Variants in PRELID2 observed in about 807,000 individuals in gnomAD.
The protein encoded by PRELID2 is PRELI domain containing 2.
PRELID2 carries 25 observed loss-of-function variants against 28.4 expected under a neutral mutation model. The observed-to-expected ratio is 0.88, with a 90% CI of 0.64 to 1.23. PRELID2 has a LOEUF of 1.23. PRELID2 is among the 50% of genes most tolerant of loss of function. PRELID2 has a pLI of 0.00. For synonymous variants in PRELID2, 76 were observed against 71.6 expected, an observed-to-expected ratio of 1.06 and a Z score of -0.31; for missense variants, 201 against 214.4, an observed-to-expected ratio of 0.94 and a Z score of 0.39.
chr5:145,239,116 T>C, the PRELID2 span, among the ~76,000 whole-genome samples: 2,324 of 152,224 alleles, frequency 0.015, 23 homozygotes, highest in South Asian at 0.031. Flanking sequence ...CGAGGGCAAG[T>C]ACTAATTTTA....
intron 1 of PRELID2, among the ~76,000 whole-genome samples, chr5:145,692,347 T>C (rs143972712): frequency 6.6e-6 from 1 of 151,024 alleles, no homozygotes; most frequent in African/African-American, 2.5e-5. Flanking sequence ...TCTACAAGCT[T>C]ATGTGTACAT....
At chr5:145,479,237 C>T (rs945282666) in intron 1 of PRELID2, among the ~76,000 whole-genome samples, 4 of 152,158 alleles carry the variant, frequency 2.6e-5, no homozygotes, top group Non-Finnish European at 5.9e-5. Context: ...CAGATTTGAG[C>T]CTGCTTCTGT....
At chr5:145,638,992 GT>G (rs951157633) in intron 1 of PRELID2, among the ~76,000 whole-genome samples, 50 of 152,280 alleles carry the variant, frequency 3.3e-4, no homozygotes, top group African/African-American at 1.2e-3. Flanking sequence ...CTTAAATGGT[GT>G]TTTAGACCTG....
At chr5:145,392,700 G>A in the PRELID2 span, among the ~76,000 whole-genome samples, 1 of 151,814 alleles carries the variant, frequency 6.6e-6, no homozygotes, top group African/African-American at 2.4e-5. Context: ...AGGAGAGAGA[G>A]AGAAAGAAAG....
chr5:145,621,708 A>G (rs1753776557), intron 1 of PRELID2, among the ~76,000 whole-genome samples: 1 of 152,208 alleles, frequency 6.6e-6, no homozygotes, highest in East Asian at 1.9e-4. Context: ...GGAATGGAGG[A>G]TAAAGAGGTT....
chr5:145,453,032 G>C, the PRELID2 span, among the ~76,000 whole-genome samples: 1 of 152,150 alleles, frequency 6.6e-6, no homozygotes, highest in Non-Finnish European at 1.5e-5. Flanking sequence ...TAATATGTTA[G>C]TAATAAGCTC....
chr5:145,690,973 A>T (rs1193282065), intron 1 of PRELID2, among the ~76,000 whole-genome samples: 1 of 152,214 alleles, frequency 6.6e-6, no homozygotes, highest in African/African-American at 2.4e-5. Flanking sequence ...TAAAAAAAAA[A>T]AACTTTAAAA....
chr5:145,792,088 G>A (rs537923153), intron 5 of PRELID2, among the ~76,000 whole-genome samples: 10 of 152,108 alleles, frequency 6.6e-5, no homozygotes, highest in African/African-American at 1.2e-4. Context: ...CATCATTACC[G>A]TGTATCACAT....
chr5:145,811,116 A>AAAAAAAAAAACAAC (rs1561636719), intron 4 of PRELID2, among the ~76,000 whole-genome samples: 1 of 85,724 alleles, frequency 1.2e-5, no homozygotes, highest in African/African-American at 4.7e-5. Flanking sequence ...AAAAAAAAAA[A>AAAAAAAAAAACAAC]AAATTGTGCC....
chr5:145,378,989 G>C, the PRELID2 span, among the ~76,000 whole-genome samples: 3 of 152,098 alleles, frequency 2.0e-5, no homozygotes, highest in Non-Finnish European at 2.9e-5. Flanking sequence ...ATGAAGTTTG[G>C]ATTATTTTTC....
Position 145,764,820 on chromosome 5 carries a change from C to G in PRELID2, c.*10+111G>C, listed in dbSNP as rs904491660. 6.0e-5 allele frequency: 44 copies of G among 733,444 alleles called. No homozygotes were observed. In the African/African-American group the frequency reaches 7.4e-4, roughly 12 times the overall value. The allele number at this position is 733,444 out of a possible 1,614,324, so 45.4% of individuals were successfully genotyped here. On this transcript the variant is annotated intron_variant, in intron 6 of 6. Coordinates refer to ENST00000683046, the MANE Select transcript of PRELID2 (RefSeq NM_205846.3). ...GTGAAATAGTATTCTGTGCATATAA[C>G]TGGGAAATGTGCAGCGTGAATAGCC...
chr5:145,752,825 G>T (rs1394921775), downstream of PRELID2, among the ~76,000 whole-genome samples: 2 of 151,982 alleles, frequency 1.3e-5, no homozygotes, highest in Non-Finnish European at 2.9e-5. Flanking sequence ...TGTTTTTTGG[G>T]TTTTTTTCTC....
intron 1 of PRELID2, among the ~76,000 whole-genome samples, chr5:145,506,593 AC>A (rs1752413746): frequency 6.6e-6 from 1 of 152,134 alleles, no homozygotes; most frequent in Non-Finnish European, 1.5e-5. Flanking sequence ...TGAATTTAAA[AC>A]CTTGAAGAAC....
the PRELID2 span, among the ~76,000 whole-genome samples, chr5:145,330,363 T>C: frequency 6.6e-6 from 1 of 152,208 alleles, no homozygotes; most frequent in Non-Finnish European, 1.5e-5. Context: ...AGCTCCTCTT[T>C]GTACCTCTAG....
downstream of PRELID2, among the ~76,000 whole-genome samples, chr5:145,755,406 G>C (rs559341642): frequency 7.2e-4 from 109 of 152,312 alleles, no homozygotes; most frequent in African/African-American, 2.5e-3. Flanking sequence ...AATTTTATGA[G>C]ATTTTTCATG....
intron 1 of PRELID2, among the ~76,000 whole-genome samples, chr5:145,737,167 C>A (rs1326786775): frequency 6.6e-6 from 1 of 152,090 alleles, no homozygotes; most frequent in African/African-American, 2.4e-5. Flanking sequence ...GGGACCAATT[C>A]TTGCCCTCAA....
the PRELID2 span, among the ~76,000 whole-genome samples, chr5:145,248,733 G>T: frequency 6.6e-6 from 1 of 151,246 alleles, no homozygotes; most frequent in African/African-American, 2.4e-5. Flanking sequence ...GGGGGTGCAG[G>T]TTGCAGTGAA....
intron 5 of PRELID2, among the ~76,000 whole-genome samples, chr5:145,784,443 A>G (rs141464198): frequency 7.2e-5 from 11 of 152,312 alleles, no homozygotes; most frequent in Admixed American, 7.2e-4. Flanking sequence ...TTAAGAAGTT[A>G]AGTCTTTCAT....
At chr5:145,584,772 G>C (rs1753137986) in intron 1 of PRELID2, among the ~76,000 whole-genome samples, 1 of 152,044 alleles carries the variant, frequency 6.6e-6, no homozygotes, top group Admixed American at 6.6e-5. Flanking sequence ...TTATTAAAAA[G>C]TAATCATCAC....
Sources: allele counts gnomAD v4.1 joint callset (sites outside exome capture counted in the v4.1 genomes callset), GRCh38; gene constraint gnomAD v4.1.1; transcripts MANE v1.5; gene names NCBI Gene and HGNC (gene_info 2026-07-23, HGNC 2026-07-21).